Variants in USP54 observed in about 807,000 individuals in gnomAD.
The protein encoded by USP54 is ubiquitin specific peptidase 54.
A neutral mutation model predicts 170.5 loss-of-function variants in USP54; 87 were observed. The observed-to-expected ratio is 0.51, with a 90% CI of 0.43 to 0.61. The LOEUF is 0.61. Ranked by LOEUF, USP54 falls within the 20% of genes least tolerant of loss-of-function variation. The pLI, the probability that USP54 is intolerant of heterozygous loss-of-function variation, is 0.00. For synonymous variants in USP54, 655 were observed against 742.8 expected (o/e 0.88, Z 1.92); for missense variants, 1,786 against 2,047.8 (o/e 0.87, Z 2.47).
intron 4 of USP54, among the ~76,000 whole-genome samples, chr10:73,553,012 A>C (rs2133624571): frequency 6.6e-6 from 1 of 152,262 alleles, no homozygotes; most frequent in South Asian, 2.1e-4. Context: ...AGTAGGAAGA[A>C]CTACAGTTTT....
chr10:73,605,558 A>G (rs2079554435), intron 1 of USP54, among the ~76,000 whole-genome samples: 1 of 152,140 alleles, frequency 6.6e-6, no homozygotes, highest in African/African-American at 2.4e-5. Context: ...TTGTATACCC[A>G]TGTTCATAGC....
At chr10:73,622,338 ATTTT>A (rs2081159940) in intron 1 of USP54, among the ~76,000 whole-genome samples, 1 of 148,298 alleles carries the variant, frequency 6.7e-6, no homozygotes, top group Non-Finnish European at 1.5e-5. Flanking sequence ...TTATTTATTT[ATTTT>A]GAGACAGAAT....
intron 10 of USP54, 135 bp downstream of exon 10, chr10:73,539,307 AAT>A (rs1216109438): frequency 2.4e-3 from 676 of 279,018 alleles, no homozygotes; most frequent in Non-Finnish European, 3.0e-3. Context: ...AAAAAAAAAA[AAT>A]ATATATATAT....
At chr10:73,501,497 A>G (rs752514298) in intron 22 of USP54, among the ~76,000 whole-genome samples, 2 of 152,146 alleles carry the variant, frequency 1.3e-5, no homozygotes, top group African/African-American at 4.8e-5. Context: ...TCATTTTCCT[A>G]AATCACCCAT....
chr10:73,504,788 A>C, intron 22 of USP54, 62 bp downstream of exon 22: 1 of 1,608,242 alleles, frequency 6.2e-7, no homozygotes, highest in Non-Finnish European at 8.5e-7. Flanking sequence ...CTTCACCTGC[A>C]CTGTATTTTT....
intron 20 of USP54, among the ~76,000 whole-genome samples, chr10:73,511,145 C>G (rs1347966997): frequency 1.4e-5 from 2 of 140,038 alleles, no homozygotes; most frequent in African/African-American, 5.4e-5. Flanking sequence ...GTTGCCCAGG[C>G]TGAAGTGCAG....
chr10:73,571,082 G>A (rs2075083879), intron 4 of USP54, among the ~76,000 whole-genome samples: 1 of 142,650 alleles, frequency 7.0e-6, no homozygotes, highest in African/African-American at 2.6e-5. Flanking sequence ...AGGCTGCAGT[G>A]AGCTGAGGTC....
chr10:73,604,255 C>T (rs1376472964), intron 1 of USP54, among the ~76,000 whole-genome samples: 1 of 151,820 alleles, frequency 6.6e-6, no homozygotes, highest in Non-Finnish European at 1.5e-5. Context: ...CTCAAAAAAA[C>T]AAAACAAAAC....
intron 1 of USP54, chr10:73,624,342 C>T (rs1251233131): frequency 6.9e-6 from 1 of 145,218 alleles, no homozygotes; most frequent in Non-Finnish European, 1.5e-5. Context: ...GGATTGCAGG[C>T]GCGCGCCACC....
intron 20 of USP54, among the ~76,000 whole-genome samples, chr10:73,507,636 T>C (rs1370585623): frequency 8.0e-6 from 1 of 125,566 alleles, no homozygotes; most frequent in African/African-American, 3.2e-5. Flanking sequence ...ATCACGCCAC[T>C]GAACTCCAAC....
At chr10:73,505,084 G>A (rs2058870801) in intron 21 of USP54, 94 bp from the exon 22 acceptor site, 5 of 1,557,176 alleles carry the variant, frequency 3.2e-6, no homozygotes, top group Non-Finnish European at 4.4e-6. Flanking sequence ...AAGAGTAGGG[G>A]AAGACTCAGT....
chr10:73,508,972 G>GTTTT (rs945752651), intron 20 of USP54, among the ~76,000 whole-genome samples: 26 of 133,554 alleles, frequency 1.9e-4, no homozygotes, highest in African/African-American at 6.7e-4. Context: ...GCCAGAACAT[G>GTTTT]TTTTTTTTTT....
At chr10:73,575,354 G>A (rs2075972078) in intron 3 of USP54, among the ~76,000 whole-genome samples, 158 bp downstream of exon 3, 1 of 152,086 alleles carries the variant, frequency 6.6e-6, no homozygotes. Context: ...AAGAGATAAA[G>A]TGACTTGCCA....
chr10:73,548,427 A>G (rs1027987293), intron 4 of USP54, among the ~76,000 whole-genome samples: 10 of 152,218 alleles, frequency 6.6e-5, no homozygotes, highest in Non-Finnish European at 1.5e-4. Flanking sequence ...AGACACATGC[A>G]CACGTATGTT....
chr10:73,583,250 C>T (rs2077092080), intron 1 of USP54, among the ~76,000 whole-genome samples: 1 of 152,174 alleles, frequency 6.6e-6, no homozygotes, highest in Non-Finnish European at 1.5e-5. Flanking sequence ...AACAATGCAG[C>T]TTGTGCAAGA....
At chr10:73,521,106 C>CA (rs988369407) in intron 17 of USP54, 79 bp from the exon 18 acceptor site, 4 of 1,580,324 alleles carry the variant, frequency 2.5e-6, no homozygotes, top group Admixed American at 3.4e-5. Flanking sequence ...CTTCAGTACA[C>CA]AGAGATCCTT....
In USP54 at chr10:73,575,621, C is replaced by T. The variant is rs377270135; in HGVS notation, c.38G>A (p.Gly13Asp). Residue 13 changes from glycine to aspartate, a missense_variant, in exon 3 of 24, where the codon GGT (glycine) becomes GAT (aspartate). Physicochemically the swap from Gly to Asp is moderately conservative, Grantham distance 94 (BLOSUM62 -1). Transcript: ENST00000687698. The stretch of plus-strand genomic sequence containing the variant: ...AGGTGCAAACATCCCTTGTACACTA[C>T]CACGACCCCCTGAAAAATAATTTCT... ...WKRNYFSGGRGSVQGMFAPRS... is the reference protein window; with the variant it reads ...WKRNYFSGGRDSVQGMFAPRS... 5 of 1,611,214 alleles carry T rather than the reference C, an allele frequency of 3.1e-6. No homozygotes were observed. Among genetic ancestry groups the T allele is most frequent in the Admixed American group, 1.7e-5 (1 of 59,444 alleles).
Position 73,534,629 on chromosome 10 carries a change from T to G in USP54, c.1286A>C (p.Asp429Ala), listed in dbSNP as rs1433097553. The stretch of plus-strand genomic sequence containing the variant: ...GTCCCGACTGCTCTGAGACATGGAA[T>G]CATTTTCCACATTATAGATGACTGT... ...QGTVIYNVEN[D>A]SMSQSSRDTG... The change falls in exon 12 of 24, where the codon GAT becomes GCT. Residue 429 changes from aspartate to alanine, a missense_variant. This residue lies in a region of USP54 where 1,418 missense variants were observed against 1,569.0 expected (regional missense o/e 0.90). Coordinates refer to ENST00000687698, the MANE Select transcript of USP54 (RefSeq NM_001391956.1). 6.2e-7 allele frequency: 1 copy of G among 1,614,110 alleles called. No individual in the cohort carries two copies. The highest frequency in any genetic ancestry group is 8.5e-7 in the Non-Finnish European group (1 of 1,179,998).
Position 73,499,086 on chromosome 10 carries a change from G to C in USP54, c.4598C>G (p.Pro1533Arg), listed in dbSNP as rs751820536. 5.6e-6 allele frequency: 9 copies of C among 1,613,996 alleles called. No individual in the cohort carries two copies. The highest frequency in any genetic ancestry group is 1.3e-5 in the African/African-American group (1 of 74,874). Residue 1533 changes from proline (P) to arginine (R), a missense_variant, in exon 24 of 24, where the codon CCC (proline) becomes CGC (arginine). Pro to Arg is a moderately radical substitution (Grantham distance 103). Coordinates refer to ENST00000687698, the MANE Select transcript of USP54 (RefSeq NM_001391956.1). ...GGAGTTGTCTGTTCTGGAGCGATGGGGGAGGCTCTGGTAGTTCAAAGTCCT... is the reference window on the plus strand; with the variant it reads ...GGAGTTGTCTGTTCTGGAGCGATGGCGGAGGCTCTGGTAGTTCAAAGTCCT... ...TGRTLNYQSL[P>R]HRSRTDNSWA...
Sources: allele counts gnomAD v4.1 joint callset (sites outside exome capture counted in the v4.1 genomes callset), GRCh38; gene constraint gnomAD v4.1.1; regional missense constraint gnomAD v4.1.1; transcripts MANE v1.5; gene names NCBI Gene and HGNC (gene_info 2026-07-23, HGNC 2026-07-21).